The following DENND4C variants were observed in gnomAD, a reference collection of about 807,000 sequenced individuals.
DENND4C encodes DENN domain containing 4C.
DENND4C carries 108 observed loss-of-function variants against 203.0 expected under a neutral mutation model. That is an observed-to-expected ratio of 0.53 (90% CI 0.46 to 0.62). The LOEUF is 0.62. DENND4C is among the 20% of genes least tolerant of loss of function. The pLI, the probability that DENND4C is intolerant of heterozygous loss-of-function variation, is 0.00. For missense variants in DENND4C, 2,481 were observed against 2,301.2 expected (o/e 1.08, Z -1.60); for synonymous variants, 871 against 792.4 (o/e 1.10, Z -1.67).
At chr9:19,256,309 G>GTTTTTTT (rs1165191635) in intron 1 of DENND4C, among the ~76,000 whole-genome samples, 3 of 84,874 alleles carry the variant, frequency 3.5e-5, no homozygotes, top group South Asian at 4.0e-4. Flanking sequence ...TTTTTTTTTT[G>GTTTTTTT]TTTTTTTTTT....
At chr9:19,366,320 G>T (rs897336701) in intron 30 of DENND4C, among the ~76,000 whole-genome samples, 1 of 152,156 alleles carries the variant, frequency 6.6e-6, no homozygotes, top group Non-Finnish European at 1.5e-5. Context: ...TAGTCTTTTC[G>T]GCCGGGTGCA....
In DENND4C at chr9:19,332,199, T is replaced by C. The variant is rs768320341; in HGVS notation, c.2460+15T>C. 76 of 1,608,100 alleles carry C rather than the reference T, an allele frequency of 4.7e-5. No individual in the cohort carries two copies. The highest frequency in any genetic ancestry group is 1.0e-4 in the Admixed American group (6 of 59,668). On this transcript the variant is annotated intron_variant, in intron 17 of 32. Coordinates refer to ENST00000434457, the MANE Select transcript of DENND4C (RefSeq NM_001330640.2). The stretch of plus-strand genomic sequence containing the variant: ...CCTTAGATGAGGCAAGTATAACAAA[T>C]TGACATTGTTTCTAAGGTAAATTTT...
At chr9:19,369,167 A>G (rs1344053111) in intron 30 of DENND4C, among the ~76,000 whole-genome samples, 1 of 152,102 alleles carries the variant, frequency 6.6e-6, no homozygotes. Context: ...TACATTTTTA[A>G]AAAAGAAAAA....
chr9:19,308,657 C>T (rs1301058437), intron 10 of DENND4C, among the ~76,000 whole-genome samples: 1 of 152,156 alleles, frequency 6.6e-6, no homozygotes, highest in African/African-American at 2.4e-5. Flanking sequence ...AACAGGGGCT[C>T]ATCTTAATTT....
intron 24 of DENND4C, among the ~76,000 whole-genome samples, chr9:19,351,230 T>C (rs1712120482): frequency 6.6e-6 from 1 of 152,228 alleles, no homozygotes; most frequent in Admixed American, 6.5e-5. Flanking sequence ...GTTGTATATA[T>C]TCACGGATTA....
intron 1 of DENND4C, among the ~76,000 whole-genome samples, chr9:19,274,266 C>T (rs991675090): frequency 6.6e-6 from 1 of 151,358 alleles, no homozygotes; most frequent in East Asian, 1.9e-4. Context: ...GAGGGAGGAA[C>T]AAGAAAATTT....
At position 19,231,235 on chromosome 9, in the gene DENND4C, C is replaced by T. The variant is rs566105085; in HGVS notation, c.-18+402C>T. 2.6e-5 allele frequency among the ~76,000 whole-genome samples: 4 copies of T among 151,712 alleles called. No individual in the cohort carries two copies. The East Asian group carries it at 7.8e-4, about 30-fold the overall frequency. The stretch of plus-strand genomic sequence containing the variant: ...AGGATCGGGGCTTCCCAGAGGGGGT[C>T]GAGGCTGAGAGAGCGGAGAGCTAGA... On this transcript the variant is annotated intron_variant, in intron 1 of 32. Coordinates refer to ENST00000434457, the MANE Select transcript of DENND4C (RefSeq NM_001330640.2).
intron 27 of DENND4C, 165 bp from the exon 28 acceptor site, chr9:19,357,800 G>A: frequency 5.2e-6 from 3 of 573,964 alleles, no homozygotes; most frequent in Non-Finnish European, 8.8e-6. Context: ...TTTCTGACCA[G>A]TTTTACAAAA....
intron 12 of DENND4C, among the ~76,000 whole-genome samples, chr9:19,321,398 A>G (rs555591742): frequency 9.3e-4 from 141 of 152,326 alleles, no homozygotes; most frequent in Non-Finnish European, 1.8e-3. Context: ...TTTGCCTTTA[A>G]CAACCAAGTG....
At chr9:19,352,243 G>A in intron 25 of DENND4C, 61 bp downstream of exon 25, 1 of 1,471,196 alleles carries the variant, frequency 6.8e-7, no homozygotes, top group Non-Finnish European at 9.5e-7. Context: ...ATTTCAGAAT[G>A]GCATTTAACA....
chr9:19,335,287 G>A (rs1445326055), intron 18 of DENND4C, among the ~76,000 whole-genome samples, 182 bp downstream of exon 18: 1 of 151,892 alleles, frequency 6.6e-6, no homozygotes, highest in Non-Finnish European at 1.5e-5. Context: ...ATGATGTTTT[G>A]AGATATGTAT....
At chr9:19,302,809 C>G (rs574312136) in intron 9 of DENND4C, among the ~76,000 whole-genome samples, 1 of 152,174 alleles carries the variant, frequency 6.6e-6, no homozygotes, top group African/African-American at 2.4e-5. Flanking sequence ...CTTAAGGCCT[C>G]TGCCCTAGCT....
At chr9:19,296,327 C>G in intron 6 of DENND4C, 81 bp downstream of exon 6, 2 of 899,516 alleles carry the variant, frequency 2.2e-6, no homozygotes, top group Non-Finnish European at 3.3e-6. Flanking sequence ...TTTTTAGCAG[C>G]AAAGTTGGAA....
chr9:19,324,817 T>A (rs1843456259), intron 13 of DENND4C, among the ~76,000 whole-genome samples: 1 of 152,218 alleles, frequency 6.6e-6, no homozygotes, highest in African/African-American at 2.4e-5. Context: ...ACTTCTTGCC[T>A]GAAGTGATTT....
intron 16 of DENND4C, 49 bp downstream of exon 16, chr9:19,328,211 T>C (rs1380350215): frequency 3.3e-6 from 5 of 1,515,230 alleles, no homozygotes; most frequent in Non-Finnish European, 4.5e-6. Flanking sequence ...GTAAAATATG[T>C]ATATGTGATA....
chr9:19,367,356 A>G (rs2132305722), intron 30 of DENND4C, among the ~76,000 whole-genome samples: 1 of 152,370 alleles, frequency 6.6e-6, no homozygotes, highest in African/African-American at 2.4e-5. Context: ...CCTAAGAGAA[A>G]TGATGTCCAC....
intron 1 of DENND4C, among the ~76,000 whole-genome samples, chr9:19,240,561 G>A (rs572396419): frequency 2.6e-5 from 4 of 152,084 alleles, no homozygotes; most frequent in East Asian, 3.9e-4. Flanking sequence ...AGCTACTTGC[G>A]AGGCTGAGGC....
At chr9:19,323,861 G>T (rs935270070) in intron 12 of DENND4C, among the ~76,000 whole-genome samples, 2 of 152,108 alleles carry the variant, frequency 1.3e-5, no homozygotes, top group Non-Finnish European at 2.9e-5. Context: ...TTAGGCAGAA[G>T]GAGCTATATA....
At chr9:19,232,731 G>A (rs913892724) in intron 1 of DENND4C, among the ~76,000 whole-genome samples, 1 of 152,174 alleles carries the variant, frequency 6.6e-6, no homozygotes, top group South Asian at 2.1e-4. Flanking sequence ...TGTGTAGGCT[G>A]TAACAATTCC....
Sources: gnomAD v4.1 joint callset for allele counts (sites outside exome capture counted in the v4.1 genomes callset) on GRCh38, gnomAD v4.1.1 for gene constraint, MANE v1.5 for transcripts, NCBI Gene and HGNC (gene_info 2026-07-23, HGNC 2026-07-21) for gene names.